The following CFAP54 variants were observed in gnomAD, a reference collection of about 807,000 sequenced individuals.
The protein encoded by CFAP54 is cilia- and flagella-associated protein 54.
A neutral mutation model predicts 370.4 loss-of-function variants in CFAP54; 290 were observed. The ratio of observed to expected loss-of-function variants is 0.78; its 90% CI spans 0.71 to 0.86. CFAP54 has a LOEUF of 0.86. Ranked by LOEUF, CFAP54 falls within the 40% of genes least tolerant of loss-of-function variation. The probability of loss-of-function intolerance (pLI) is 0.00; values close to 1 mark genes in which losing one functional copy is unlikely to be tolerated. For synonymous variants in CFAP54, 1,206 were observed against 1,236.5 expected, an observed-to-expected ratio of 0.98 and a Z score of 0.52; for missense variants, 3,399 against 3,528.7, an observed-to-expected ratio of 0.96 and a Z score of 0.93.
At chr12:96,779,840 A>G (rs941239972) in intron 60 of CFAP54, among the ~76,000 whole-genome samples, 5 of 152,144 alleles carry the variant, frequency 3.3e-5, no homozygotes, top group South Asian at 2.1e-4. Flanking sequence ...GAAAAAAGAA[A>G]GGAAGAGAGG....
rs145452197 is a variant in CFAP54 at position 96,563,073 on chromosome 12, T to C, written c.2411-1395T>C. 1.5e-3 allele frequency among the ~76,000 whole-genome samples: 224 copies of C among 152,338 alleles called. 3 individuals carry two copies. In the East Asian group the frequency reaches 0.035, roughly 24 times the overall value. On this transcript the variant is annotated intron_variant, in intron 17 of 67. Coordinates refer to ENST00000524981, the MANE Select transcript of CFAP54 (RefSeq NM_001306084.2). ...AAACTAGCCCATGATTCTCACATAG[T>C]AACTGTATTATTTCCTTTAGTGGAG...
chr12:96,843,396 T>G (rs1959246397), intron 66 of CFAP54, among the ~76,000 whole-genome samples: 2 of 152,182 alleles, frequency 1.3e-5, no homozygotes, highest in South Asian at 4.1e-4. Flanking sequence ...CTGCTGAGAT[T>G]CCAATCCCTG....
chr12:96,590,698 G>A (rs1956115742), intron 23 of CFAP54, among the ~76,000 whole-genome samples: 1 of 152,222 alleles, frequency 6.6e-6, no homozygotes, highest in Non-Finnish European at 1.5e-5. Flanking sequence ...GGATAAGAGA[G>A]AAAGGAGTGA....
chr12:96,498,600 C>T (rs1028985856), intron 1 of CFAP54, among the ~76,000 whole-genome samples: 1 of 152,192 alleles, frequency 6.6e-6, no homozygotes, highest in Admixed American at 6.5e-5. Flanking sequence ...TTGCAGTGAG[C>T]TGAGATGGCA....
At chr12:96,828,987 A>T in intron 65 of CFAP54, 27 bp from the exon 66 acceptor site, 1 of 1,208,282 alleles carries the variant, frequency 8.3e-7, no homozygotes, top group Non-Finnish European at 1.2e-6. Context: ...TATCAACCTC[A>T]CTGTATTACT....
At chr12:96,557,481 T>G (rs975254259) in intron 17 of CFAP54, among the ~76,000 whole-genome samples, 2 of 152,060 alleles carry the variant, frequency 1.3e-5, no homozygotes, top group Non-Finnish European at 2.9e-5. Context: ...CAACTACAGA[T>G]AGAAGGATGC....
At chr12:96,871,182 A>G (rs1236608058) in intron 67 of CFAP54, among the ~76,000 whole-genome samples, 2 of 152,242 alleles carry the variant, frequency 1.3e-5, no homozygotes, top group South Asian at 4.1e-4. Context: ...AGAGAATCCA[A>G]TGGAAAGTTA....
rs1456379752 is a variant in CFAP54 at position 96,664,761 on chromosome 12, ATATC to A, written c.5563+833_5563+836del. Among the ~76,000 whole-genome samples, 26 of 64,834 alleles carry A rather than the reference ATATC, an allele frequency of 4.0e-4. No homozygotes were observed. The East Asian group carries it at 8.6e-3, about 22-fold the overall frequency. 42.5% of individuals were successfully genotyped at this position (64,834 alleles called of 152,430 possible). On this transcript the variant is annotated intron_variant, in intron 39 of 67. Transcript: ENST00000524981. Reference sequence around the variant, plus strand: ...TATCTATATATATATATATCTATATATATCTATATCTATATCTATATATATATAT... The same window carrying A: ...TATCTATATATATATATATCTATATATATATCTATATCTATATATATATAT...
chr12:96,734,407 A>G (rs186900368), intron 50 of CFAP54, among the ~76,000 whole-genome samples: 1 of 152,308 alleles, frequency 6.6e-6, no homozygotes, highest in African/African-American at 2.4e-5. Context: ...CTTTACTGCT[A>G]TATTCATAGC....
At chr12:96,752,127 A>AGAGAGAGAGAGG (rs1555318392) in intron 55 of CFAP54, among the ~76,000 whole-genome samples, 2 of 149,356 alleles carry the variant, frequency 1.3e-5, no homozygotes, top group African/African-American at 2.5e-5. Context: ...AGAGAGAGAG[A>AGAGAGAGAGAGG]GAGAGATTGA....
intron 63 of CFAP54, among the ~76,000 whole-genome samples, chr12:96,799,530 A>G (rs555842478): frequency 5.3e-5 from 8 of 152,222 alleles, no homozygotes; most frequent in Middle Eastern, 3.4e-3. Context: ...CTCCAGCACC[A>G]TTTCTCACTT....
At chr12:96,614,669 C>A (rs1181280737) in intron 26 of CFAP54, among the ~76,000 whole-genome samples, 2 of 152,244 alleles carry the variant, frequency 1.3e-5, no homozygotes, top group East Asian at 1.9e-4. Context: ...AGCAAAGTCT[C>A]AGGATACAAA....
chr12:96,596,392 C>T (rs1432321717), intron 25 of CFAP54, among the ~76,000 whole-genome samples: 1 of 151,982 alleles, frequency 6.6e-6, no homozygotes, highest in East Asian at 1.9e-4. Context: ...ATCAGTAGAA[C>T]AGAGGGTAGT....
intron 1 of CFAP54, among the ~76,000 whole-genome samples, chr12:96,493,893 AAAGAG>A (rs1205451260): frequency 6.6e-6 from 1 of 152,234 alleles, no homozygotes; most frequent in Non-Finnish European, 1.5e-5. Flanking sequence ...AGAAAAAGAA[AAAGAG>A]AAGAGGTTAT....
At chr12:96,821,353 G>A (rs1959031777) in intron 65 of CFAP54, among the ~76,000 whole-genome samples, 1 of 152,148 alleles carries the variant, frequency 6.6e-6, no homozygotes, top group Admixed American at 6.6e-5. Flanking sequence ...GACCTACCTT[G>A]CCTTAAGAAA....
rs1313217443 is a variant in CFAP54 at position 96,533,864 on chromosome 12, A to G, written c.1430A>G (p.Lys477Arg). 8 of 1,535,090 alleles carry G rather than the reference A, an allele frequency of 5.2e-6. No homozygotes were observed. The highest frequency in any genetic ancestry group is 1.7e-4 in the Middle Eastern group (1 of 6,008). Residue 477 changes from lysine (K) to arginine (R), a missense_variant, in exon 10 of 68, where the codon AAA becomes AGA. Physicochemically the swap from Lys to Arg is conservative, Grantham distance 26 (BLOSUM62 2). This residue lies in a region of CFAP54 where 559 missense variants were observed against 576.7 expected (regional missense o/e 0.97). Transcript: ENST00000524981. ...CTTCTGGAACTTATGATAGGAAGAA[A>G]AGATGTTATTTCTGTGGATGCTGCT... ...TSLLELMIGRKDVISVDAAVK... is the reference protein window; with the variant it reads ...TSLLELMIGRRDVISVDAAVK...
At chr12:96,618,969 A>G (rs1956454327) in intron 26 of CFAP54, among the ~76,000 whole-genome samples, 1 of 152,152 alleles carries the variant, frequency 6.6e-6, no homozygotes, top group African/African-American at 2.4e-5. Context: ...AGCTCAAGCA[A>G]TCCTCGCATA....
chr12:96,621,532 A>G, intron 26 of CFAP54, 58 bp from the exon 27 acceptor site: 3 of 1,204,440 alleles, frequency 2.5e-6, no homozygotes, highest in African/African-American at 1.5e-5. Context: ...ATGATGCATT[A>G]TACTTGAAAA....
intron 17 of CFAP54, among the ~76,000 whole-genome samples, chr12:96,559,670 A>C (rs1050041403): frequency 6.6e-6 from 1 of 152,070 alleles, no homozygotes; most frequent in Non-Finnish European, 1.5e-5. Context: ...GTGTAGAGAT[A>C]TATACATATA....
Sources: allele counts gnomAD v4.1 joint callset (sites outside exome capture counted in the v4.1 genomes callset), GRCh38; gene constraint gnomAD v4.1.1; regional missense constraint gnomAD v4.1.1; transcripts MANE v1.5; gene names NCBI Gene and HGNC (gene_info 2026-07-23, HGNC 2026-07-21).